The following ADAMTS6 variants were observed in gnomAD, a reference collection of about 807,000 sequenced individuals.
The protein encoded by ADAMTS6 is ADAM metallopeptidase with thrombospondin type 1 motif 6.
Under a neutral mutation model 144.3 loss-of-function variants are expected in ADAMTS6, and 23 were observed. The ratio of observed to expected loss-of-function variants is 0.16; its 90% CI spans 0.11 to 0.23. The LOEUF is 0.23. Among genes scored for constraint, ADAMTS6 ranks in the 10% least tolerant of loss-of-function variants. The pLI is 1.00. For missense variants in ADAMTS6, 999 were observed against 1,379.6 expected, an observed-to-expected ratio of 0.72 and a Z score of 4.37; for synonymous variants, 444 against 457.5, an observed-to-expected ratio of 0.97 and a Z score of 0.38.
In ADAMTS6 at chr5:65,400,149, AT is replaced by A. The variant is rs576120550; in HGVS notation, c.1073+51325del. ...CTACCTTTGTTCCTCTATAGGTAAG[AT>A]TTTTTTTTCTCTGTCCTCTTTCAGA... On this transcript the variant is annotated intron_variant, in intron 7 of 24. Transcript: ENST00000381055. Among the ~76,000 whole-genome samples, 524 of 151,424 alleles carry A rather than the reference AT, an allele frequency of 3.5e-3. 1 individual carries two copies. The highest frequency in any genetic ancestry group is 5.3e-3 in the Non-Finnish European group (362 of 67,826).
intron 11 of ADAMTS6, among the ~76,000 whole-genome samples, chr5:65,274,662 G>C (rs1580261092): frequency 6.6e-6 from 1 of 151,824 alleles, no homozygotes; most frequent in Non-Finnish European, 1.5e-5. Flanking sequence ...GAGATATATA[G>C]TGTCTATTAA....
chr5:65,288,362 T>A (rs1341769460), intron 11 of ADAMTS6, among the ~76,000 whole-genome samples: 2 of 150,810 alleles, frequency 1.3e-5, no homozygotes, highest in Non-Finnish European at 3.0e-5. Context: ...TAGCCCAGGC[T>A]GGACTGGAGT....
chr5:65,404,615 T>C (rs1465617662), intron 7 of ADAMTS6, among the ~76,000 whole-genome samples: 2 of 152,244 alleles, frequency 1.3e-5, no homozygotes, highest in Non-Finnish European at 2.9e-5. Context: ...TACATGTGCA[T>C]GTGTCTTTAT....
At chr5:65,260,468 T>C in intron 14 of ADAMTS6, 132 bp downstream of exon 14, 1 of 697,264 alleles carries the variant, frequency 1.4e-6, no homozygotes, top group South Asian at 1.9e-5. Flanking sequence ...CCATTCATTA[T>C]TAACAATTTA....
At chr5:65,169,203 A>G (rs1432084951) in intron 24 of ADAMTS6, among the ~76,000 whole-genome samples, 1 of 51,244 alleles carries the variant, frequency 2.0e-5, no homozygotes, top group Admixed American at 2.2e-4. Flanking sequence ...AAAACAAACA[A>G]CCCCATCAAA....
intron 7 of ADAMTS6, among the ~76,000 whole-genome samples, chr5:65,394,076 T>C (rs1753140152): frequency 6.6e-6 from 1 of 152,220 alleles, no homozygotes; most frequent in African/African-American, 2.4e-5. Context: ...CATCCACATA[T>C]AATGTGACTT....
intron 8 of ADAMTS6, among the ~76,000 whole-genome samples, chr5:65,332,997 A>G (rs1353449204): frequency 6.6e-6 from 1 of 152,164 alleles, no homozygotes; most frequent in East Asian, 1.9e-4. Flanking sequence ...GAGAAATTTT[A>G]GTTTCCGAAG....
At chr5:65,334,277 C>T (rs1747092704) in intron 7 of ADAMTS6, among the ~76,000 whole-genome samples, 192 bp from the exon 8 acceptor site, 1 of 152,170 alleles carries the variant, frequency 6.6e-6, no homozygotes, top group Non-Finnish European at 1.5e-5. Flanking sequence ...CTCACAGCCT[C>T]TGGCTGCAAG....
chr5:65,179,558 G>A (rs1754204555), intron 22 of ADAMTS6, among the ~76,000 whole-genome samples: 1 of 152,182 alleles, frequency 6.6e-6, no homozygotes, highest in Non-Finnish European at 1.5e-5. Context: ...AATTAGGAAA[G>A]AGGCTATATG....
At chr5:65,273,482 T>A (rs187237476) in intron 11 of ADAMTS6, 35 bp from the exon 12 acceptor site, 2 of 1,521,036 alleles carry the variant, frequency 1.3e-6, no homozygotes, top group Non-Finnish European at 1.8e-6. Flanking sequence ...TGATCAGAAA[T>A]AGAGTCATGT....
At chr5:65,420,456 A>G (rs1316263788) in intron 7 of ADAMTS6, among the ~76,000 whole-genome samples, 1 of 152,100 alleles carries the variant, frequency 6.6e-6, no homozygotes, top group Non-Finnish European at 1.5e-5. Context: ...ATCTCAGCTC[A>G]CCGCAACCTC....
Position 65,378,256 on chromosome 5 carries a change from T to A in ADAMTS6, c.1074-44171A>T, listed in dbSNP as rs570776448. On this transcript the variant is annotated intron_variant, in intron 7 of 24. Coordinates refer to ENST00000381055, the MANE Select transcript of ADAMTS6 (RefSeq NM_197941.4). ...GCTTCAAATATAAAAAGCATTATTTTATTCTACAGATTTTTCTTCCCTTTC... is the reference window on the plus strand; with the variant it reads ...GCTTCAAATATAAAAAGCATTATTTAATTCTACAGATTTTTCTTCCCTTTC... Among the ~76,000 whole-genome samples the A allele has an allele frequency of 2.0e-5, 3 of 152,318 alleles. No individual in the cohort carries two copies. In the East Asian group the frequency reaches 5.8e-4, roughly 29 times the overall value.
intron 9 of ADAMTS6, among the ~76,000 whole-genome samples, chr5:65,300,468 G>T (rs957280895): frequency 2.6e-5 from 4 of 152,168 alleles, no homozygotes; most frequent in Admixed American, 6.5e-5. Context: ...ACCTGCTAAA[G>T]ATCACACAGT....
chr5:65,189,504 C>T (rs1754876669), intron 21 of ADAMTS6, among the ~76,000 whole-genome samples: 1 of 152,170 alleles, frequency 6.6e-6, no homozygotes, highest in South Asian at 2.1e-4. Context: ...GTGTGTGAGT[C>T]CTTGATTCCA....
chr5:65,150,652 C>T lies in ADAMTS6; in HGVS notation c.*1184G>A, dbSNP rs991699583. The T allele has an allele frequency of 6.6e-6, 1 of 152,616 alleles. No homozygotes were observed. Among genetic ancestry groups the T allele is most frequent in the African/African-American group, 2.4e-5 (1 of 41,438 alleles). 9.5% of individuals were successfully genotyped at this position (152,616 alleles called of 1,614,324 possible). A position where few individuals can be genotyped will look rare whatever the true frequency, so the allele number is the denominator to read the frequency against. ...TACTTTAAAACTCACAGAAATAGCACATTATGTGCAAGCACACTCATCTAT... is the reference window on the plus strand; with the variant it reads ...TACTTTAAAACTCACAGAAATAGCATATTATGTGCAAGCACACTCATCTAT... On this transcript the variant is annotated 3_prime_UTR_variant, in exon 25 of 25. Coordinates refer to ENST00000381055, the MANE Select transcript of ADAMTS6 (RefSeq NM_197941.4).
chr5:65,220,791 A>G (rs1757271223), intron 18 of ADAMTS6, among the ~76,000 whole-genome samples: 1 of 152,186 alleles, frequency 6.6e-6, no homozygotes, highest in South Asian at 2.1e-4. Context: ...AAAATAGACA[A>G]ACAATAGAGA....
intron 4 of ADAMTS6, among the ~76,000 whole-genome samples, chr5:65,455,804 A>C (rs1759142088): frequency 6.6e-6 from 1 of 152,168 alleles, no homozygotes; most frequent in South Asian, 2.1e-4. Context: ...ACTCCATCTC[A>C]AAAATAATAA....
Position 65,313,128 on chromosome 5 carries a change from AACACACACACACACACAC to A in ADAMTS6, c.1224-13015_1224-12998del, listed in dbSNP as rs61525269. Among the ~76,000 whole-genome samples, 117 of 135,846 alleles carry A rather than the reference AACACACACACACACACAC, an allele frequency of 8.6e-4. 1 individual carries two copies. The highest frequency in any genetic ancestry group is 2.4e-3 in the African/African-American group (93 of 38,162). 89.1% of individuals were successfully genotyped at this position (135,846 alleles called of 152,430 possible). A position where few individuals can be genotyped will look rare whatever the true frequency, so the allele number is the denominator to read the frequency against. ...ATTTCAGTAGTTTTATTATTTCTGCAACACACACACACACACACACACACACACACACACACACACACA... is the reference window on the plus strand; with the variant it reads ...ATTTCAGTAGTTTTATTATTTCTGCAACACACACACACACACACACACACA... On this transcript the variant is annotated intron_variant, in intron 9 of 24. Transcript: ENST00000381055.
intron 7 of ADAMTS6, among the ~76,000 whole-genome samples, chr5:65,429,323 A>T (rs1756811134): frequency 6.6e-6 from 1 of 152,104 alleles, no homozygotes; most frequent in Admixed American, 6.6e-5. Flanking sequence ...CTCCACAATT[A>T]TCTGCTTCTT....
Sources: allele counts gnomAD v4.1 joint callset (sites outside exome capture counted in the v4.1 genomes callset), GRCh38; gene constraint gnomAD v4.1.1; transcripts MANE v1.5; gene names NCBI Gene and HGNC (gene_info 2026-07-23, HGNC 2026-07-21).